Variants in ATP1B1 observed in about 807,000 individuals in gnomAD.
ATP1B1 encodes sodium/potassium-transporting ATPase subunit beta-1.
ATP1B1 carries 3 observed loss-of-function variants against 39.6 expected under a neutral mutation model. The observed-to-expected ratio is 0.08, with a 90% CI of 0.03 to 0.20. The LOEUF is 0.20. Among genes scored for constraint, ATP1B1 ranks in the 10% least tolerant of loss-of-function variants. ATP1B1 has a pLI of 1.00. For synonymous variants in ATP1B1, 139 were observed against 135.0 expected (o/e 1.03, Z -0.20); for missense variants, 216 against 371.1 (o/e 0.58, Z 3.43).
intron 2 of ATP1B1, among the ~76,000 whole-genome samples, chr1:169,121,680 G>T (rs1657982969): frequency 6.6e-6 from 1 of 152,150 alleles, no homozygotes; most frequent in South Asian, 2.1e-4. Flanking sequence ...GCCAGGCCAG[G>T]GAGAACAAGG....
At chr1:169,109,483 T>G (rs543233080) in intron 1 of ATP1B1, among the ~76,000 whole-genome samples, 2 of 152,068 alleles carry the variant, frequency 1.3e-5, no homozygotes, top group African/African-American at 4.8e-5. Flanking sequence ...CGGCAGTAAC[T>G]AGGGAGATTT....
rs1658221420 is a variant in ATP1B1, at chr1:169,131,586, T to C, written c.*31T>C. 4 of 1,579,454 alleles carry C rather than the reference T, an allele frequency of 2.5e-6. No individual in the cohort carries two copies. The highest frequency in any genetic ancestry group is 3.8e-5 in the Admixed American group (2 of 52,462). ...AGCACAAATCTTTCCCACTAGCCAT[T>C]TAATAAGTTAAAAAAAGATACAAAA... On this transcript the variant is annotated 3_prime_UTR_variant, in exon 6 of 6. Transcript: ENST00000367815. The surrounding 1 kb of genome is among the most constrained non-coding windows in gnomAD (Gnocchi z 4.4).
chr1:169,128,580 C>G (rs1338081978), intron 4 of ATP1B1, among the ~76,000 whole-genome samples: 1 of 152,136 alleles, frequency 6.6e-6, no homozygotes, highest in African/African-American at 2.4e-5. Flanking sequence ...TCCACATAGA[C>G]AGGATATAAT....
In ATP1B1 at chr1:169,125,032, T is replaced by C; in HGVS notation, c.375T>C (p.Asp125=). The change falls in exon 3 of 6, where the codon GAT becomes GAC. Residue 125 remains aspartate, a synonymous_variant. Transcript: ENST00000367815. ...SAQRDDMIFE[D]CGDVPSEPKE... is the part of the protein sequence containing the mutation. ...AGAGGGATGACATGATTTTTGAAGA[T>C]TGTGGCGGTAAGTAGACTCATTGTA... The C allele has an allele frequency of 1.2e-6, 2 of 1,611,738 alleles. No individual in the cohort carries two copies. Among genetic ancestry groups the C allele is most frequent in the East Asian group, 2.2e-5 (1 of 44,800 alleles).
Position 169,131,228 on chromosome 1 carries a change from T to TGCCG in ATP1B1, c.649-64_649-63insGCCG. 1 of 1,519,066 alleles carries TGCCG rather than the reference T, an allele frequency of 6.6e-7. No homozygotes were observed. Among genetic ancestry groups the TGCCG allele is most frequent in the Non-Finnish European group, 8.9e-7 (1 of 1,127,404 alleles). The allele number at this position is 1,519,066 out of a possible 1,614,324, so 94.1% of individuals were successfully genotyped here. A position where few individuals can be genotyped will look rare whatever the true frequency, so the allele number is the denominator to read the frequency against. Reference sequence around the variant, plus strand: ...AACTACTGTGTAGATTGAGTCTTGTTTTTGAGTACACATAGTGATGCATGA... The same window carrying TGCCG: ...AACTACTGTGTAGATTGAGTCTTGTTGCCGTTTGAGTACACATAGTGATGCATGA... On this transcript the variant is annotated intron_variant, in intron 5 of 5. Transcript: ENST00000367815. The surrounding 1 kb of genome is among the most constrained non-coding windows in gnomAD (Gnocchi z 4.4).
At chr1:169,116,648 T>C (rs1657853562) in intron 2 of ATP1B1, among the ~76,000 whole-genome samples, 1 of 152,034 alleles carries the variant, frequency 6.6e-6, no homozygotes, top group African/African-American at 2.4e-5. Flanking sequence ...GTCAGGATTT[T>C]GAGACCAGCC....
Position 169,113,559 on chromosome 1 carries a change from A to G in ATP1B1, c.226+2061A>G, listed in dbSNP as rs533575815. Among the ~76,000 whole-genome samples the G allele has an allele frequency of 3.0e-4, 46 of 152,344 alleles. No individual in the cohort carries two copies. The East Asian group carries it at 8.5e-3, about 28-fold the overall frequency. ...AGGAAAATTTAACTTTGGAAAAGAA[A>G]TAGCCAAAGGGCCCAACCTTGTAAG... On this transcript the variant is annotated intron_variant, in intron 2 of 5. Coordinates refer to ENST00000367815, the MANE Select transcript of ATP1B1 (RefSeq NM_001677.4).
In ATP1B1 at chr1:169,132,037, T is replaced by TTG. The variant is rs1557954459; in HGVS notation, c.*483_*484insGT. ...CATGGTAATTTTTTTTTTTTTTTTT[T>TTG]TTTTGTTTTTTGGCTCTTTCAAAGG... is the stretch of plus-strand genomic sequence containing the variant. On this transcript the variant is annotated 3_prime_UTR_variant, in exon 6 of 6. Coordinates refer to ENST00000367815, the MANE Select transcript of ATP1B1 (RefSeq NM_001677.4). The TTG allele has an allele frequency of 6.1e-5, 15 of 247,336 alleles. No homozygotes were observed. Among genetic ancestry groups the TTG allele is most frequent in the African/African-American group, 1.5e-4 (6 of 40,532 alleles). The allele number at this position is 247,336 out of a possible 1,614,324, so 15.3% of individuals were successfully genotyped here.
At chr1:169,130,363 T>C (rs1178445616) in intron 5 of ATP1B1, among the ~76,000 whole-genome samples, 1 of 150,690 alleles carries the variant, frequency 6.6e-6, no homozygotes, top group Non-Finnish European at 1.5e-5. Flanking sequence ...GATATTTGCT[T>C]ATCAGAACTG....
intron 4 of ATP1B1, among the ~76,000 whole-genome samples, chr1:169,128,405 C>T (rs1188247260): frequency 6.6e-6 from 1 of 152,040 alleles, no homozygotes; most frequent in African/African-American, 2.4e-5. Flanking sequence ...AAAAGAAAAT[C>T]AACACAGAGA....
At chr1:169,110,511 T>TA in intron 1 of ATP1B1, 2 of 577,476 alleles carry the variant, frequency 3.5e-6, no homozygotes, top group Non-Finnish European at 5.2e-6. Context: ...ATCAGGGAGA[T>TA]AATCCTTGTA....
In ATP1B1 at chr1:169,116,635, G is replaced by A. The variant is rs964712576; in HGVS notation, c.226+5137G>A. Among the ~76,000 whole-genome samples, 8 of 152,224 alleles carry A rather than the reference G, an allele frequency of 5.3e-5. No homozygotes were observed. In the South Asian group the frequency reaches 6.2e-4, roughly 12 times the overall value. ...GGAGGCCGAGGCAGGCAGATCACCC[G>A]AGGTCAGGATTTTGAGACCAGCCTG... On this transcript the variant is annotated intron_variant, in intron 2 of 5. Transcript: ENST00000367815.
chr1:169,112,776 A>G (rs1657754168), intron 2 of ATP1B1, among the ~76,000 whole-genome samples: 1 of 152,204 alleles, frequency 6.6e-6, no homozygotes, highest in South Asian at 2.1e-4. Context: ...AAAAAAAATC[A>G]CGTAAGTAAA....
intron 1 of ATP1B1, chr1:169,108,275 T>C (rs887517212): frequency 2.0e-5 from 3 of 152,188 alleles, no homozygotes; most frequent in Admixed American, 6.5e-5. Flanking sequence ...ATATTTTATT[T>C]TGGGGAGACT....
At chr1:169,111,290 T>G (rs1483168937) in intron 1 of ATP1B1, 80 bp from the exon 2 acceptor site, 12 of 1,568,146 alleles carry the variant, frequency 7.7e-6, no homozygotes, top group Non-Finnish European at 1.0e-5. Flanking sequence ...GGAAGGAAGC[T>G]TGTTCATCCG....
Position 169,106,743 on chromosome 1 carries a change from G to A in ATP1B1, c.-87G>A, listed in dbSNP as rs921234764. The A allele has an allele frequency of 9.0e-7, 1 of 1,108,766 alleles. No individual in the cohort carries two copies. The highest frequency in any genetic ancestry group is 1.7e-5 in the African/African-American group (1 of 59,708). 68.7% of individuals were successfully genotyped at this position (1,108,766 alleles called of 1,614,324 possible). A position where few individuals can be genotyped will look rare whatever the true frequency, so the allele number is the denominator to read the frequency against. On this transcript the variant is annotated 5_prime_UTR_variant, in exon 1 of 6. Transcript: ENST00000367815. ...GTCCTGCCTGCAGAGAGCCAGGCCG[G>A]AGAAGCCGAGCGGCGCAGAGGACGC... is the stretch of plus-strand genomic sequence containing the variant.
At position 169,132,030 on chromosome 1, in the gene ATP1B1, T is replaced by TG. The variant is rs202172887; in HGVS notation, c.*475_*476insG. On this transcript the variant is annotated 3_prime_UTR_variant, in exon 6 of 6. Transcript: ENST00000367815. ...AAACTGGCATGGTAATTTTTTTTTT[T>TG]TTTTTTTTTTTGTTTTTTGGCTCTT... is the stretch of plus-strand genomic sequence containing the variant. The TG allele has an allele frequency of 7.1e-3, 1,809 of 253,994 alleles. 18 individuals are homozygous for TG. Among genetic ancestry groups the TG allele is most frequent in the South Asian group, 0.027 (670 of 24,772 alleles). 15.7% of individuals were successfully genotyped at this position (253,994 alleles called of 1,614,324 possible).
intron 2 of ATP1B1, 37 bp from the exon 3 acceptor site, chr1:169,124,847 G>A: frequency 6.3e-6 from 10 of 1,597,336 alleles, no homozygotes; most frequent in Non-Finnish European, 8.5e-6. Flanking sequence ...CTTCGTTTCT[G>A]CCTTCCTACT....
At chr1:169,120,725 A>G (rs777397927) in intron 2 of ATP1B1, among the ~76,000 whole-genome samples, 2 of 152,242 alleles carry the variant, frequency 1.3e-5, no homozygotes, top group Admixed American at 6.5e-5. Context: ...GGCTTAGATC[A>G]TGAGCTATGC....
Sources: allele counts gnomAD v4.1 joint callset (sites outside exome capture counted in the v4.1 genomes callset), GRCh38; gene constraint gnomAD v4.1.1; non-coding constraint Gnocchi (gnomAD v3.1); transcripts MANE v1.5; gene names NCBI Gene and HGNC (gene_info 2026-07-23, HGNC 2026-07-21).